RERE: variants seen among roughly 807,000 people sequenced by gnomAD.
The protein encoded by RERE is arginine-glutamic acid dipeptide repeats.
A neutral mutation model predicts 146.1 loss-of-function variants in RERE; 40 were observed. That is an observed-to-expected ratio of 0.27 (90% confidence interval 0.21 to 0.36). The LOEUF (loss-of-function observed/expected upper bound fraction) is 0.36. RERE is among the 10% of genes least tolerant of loss of function. The probability of loss-of-function intolerance (pLI) is 1.00; values close to 1 mark genes in which losing one functional copy is unlikely to be tolerated. For synonymous variants in RERE, 1,003 were observed against 866.0 expected, an observed-to-expected ratio of 1.16 and a Z score of -2.78; for missense variants, 1,933 against 2,138.7, an observed-to-expected ratio of 0.90 and a Z score of 1.90.
rs1279219755 is a variant in RERE, at chr1:8,502,433, C to A, written c.880-4904G>T. ...TACTGGGAAGTGAGGAGCCCCTCTG[C>A]CTGGCCAGCCGCCCCGTCCGGGAGG... On this transcript the variant is annotated intron_variant, in intron 8 of 22. Transcript: ENST00000400908. Among the ~76,000 whole-genome samples the A allele has an allele frequency of 3.0e-4, 37 of 121,356 alleles. No homozygotes were observed. In the East Asian group the frequency reaches 8.4e-3, roughly 28 times the overall value. The allele number at this position is 121,356 out of a possible 152,430, so 79.6% of individuals were successfully genotyped here.
chr1:8,365,669 T>G, intron 13 of RERE, 143 bp downstream of exon 13: 1 of 835,630 alleles, frequency 1.2e-6, no homozygotes. Flanking sequence ...TATGTTTAGG[T>G]CAGGCTTCAC....
intron 9 of RERE, among the ~76,000 whole-genome samples, chr1:8,495,676 A>G (rs906315218): frequency 6.6e-6 from 1 of 152,178 alleles, no homozygotes; most frequent in African/African-American, 2.4e-5. Context: ...AGTCAGATCC[A>G]TTTGTATTGT....
chr1:8,435,929 G>C (rs1362289827), intron 11 of RERE, among the ~76,000 whole-genome samples: 1 of 152,240 alleles, frequency 6.6e-6, no homozygotes, highest in Admixed American at 6.5e-5. Flanking sequence ...AGTCAAATGA[G>C]AACTGGCTAG....
chr1:8,421,701 AAAC>A (rs1220978008), intron 12 of RERE, among the ~76,000 whole-genome samples: 6 of 152,132 alleles, frequency 3.9e-5, no homozygotes, highest in Non-Finnish European at 8.8e-5. Flanking sequence ...GGAAATCAGT[AAAC>A]AACATCCAAT....
intron 12 of RERE, among the ~76,000 whole-genome samples, chr1:8,370,232 C>T (rs1382083913): frequency 6.6e-6 from 1 of 152,110 alleles, no homozygotes; most frequent in Non-Finnish European, 1.5e-5. Context: ...CATGCAGCAA[C>T]ACCATGCTGC....
intron 12 of RERE, among the ~76,000 whole-genome samples, chr1:8,419,555 G>T (rs549522810): frequency 6.6e-6 from 1 of 152,196 alleles, no homozygotes; most frequent in East Asian, 1.9e-4. Context: ...TTTTTATACA[G>T]GCTCAGTATA....
intron 11 of RERE, among the ~76,000 whole-genome samples, chr1:8,428,981 G>A (rs893078982): frequency 2.6e-5 from 4 of 152,112 alleles, no homozygotes; most frequent in African/African-American, 9.7e-5. Context: ...TGGACCTGGT[G>A]CAAGTAGCAT....
intron 6 of RERE, among the ~76,000 whole-genome samples, chr1:8,553,527 A>C (rs1645965952): frequency 6.6e-6 from 1 of 152,136 alleles, no homozygotes; most frequent in Non-Finnish European, 1.5e-5. Context: ...CCAAACAACC[A>C]CCTGTCATCT....
intron 6 of RERE, among the ~76,000 whole-genome samples, chr1:8,543,068 G>T (rs1224166978): frequency 1.3e-5 from 2 of 152,130 alleles, no homozygotes; most frequent in Non-Finnish European, 2.9e-5. Context: ...GAACAACACA[G>T]ATTTATAAGA....
At chr1:8,757,936 A>G (rs1446865804) in intron 1 of RERE, among the ~76,000 whole-genome samples, 12 of 152,110 alleles carry the variant, frequency 7.9e-5, no homozygotes, top group Non-Finnish European at 1.5e-5. Flanking sequence ...ACACATATAT[A>G]TGCAATAGGA....
intron 1 of RERE, among the ~76,000 whole-genome samples, chr1:8,811,989 A>G (rs1211206949): frequency 2.0e-5 from 3 of 152,164 alleles, no homozygotes; most frequent in African/African-American, 7.2e-5. Context: ...ACAGTATTCC[A>G]GTATGTATGA....
At chr1:8,386,012 ATATATATATATTTTTTTTTTTTT>A (rs1386933588) in intron 12 of RERE, among the ~76,000 whole-genome samples, 42 of 44,748 alleles carry the variant, frequency 9.4e-4, no homozygotes, top group African/African-American at 3.7e-3. Context: ...ATATATATAT[ATATATATATATTTTTTTTTTTTT>A]TTTTTTTTTT....
intron 1 of RERE, among the ~76,000 whole-genome samples, chr1:8,814,323 GA>G (rs1641869315): frequency 1.3e-5 from 2 of 152,158 alleles, no homozygotes; most frequent in Admixed American, 1.3e-4. Flanking sequence ...CAGGATTTGT[GA>G]AAATAAAAAT....
At chr1:8,650,608 C>G (rs1174391074) in intron 2 of RERE, among the ~76,000 whole-genome samples, 2 of 151,874 alleles carry the variant, frequency 1.3e-5, no homozygotes, top group African/African-American at 4.8e-5. Flanking sequence ...ACAAAAAATA[C>G]AAAAATTAGG....
intron 12 of RERE, among the ~76,000 whole-genome samples, chr1:8,371,569 C>G (rs573695134): frequency 9.7e-4 from 147 of 152,312 alleles, no homozygotes; most frequent in African/African-American, 3.3e-3. Context: ...TCAGCGGCAG[C>G]CGCTCCTGCC....
intron 13 of RERE, among the ~76,000 whole-genome samples, chr1:8,365,153 C>T (rs1641752999): frequency 6.6e-6 from 1 of 152,236 alleles, no homozygotes; most frequent in African/African-American, 2.4e-5. Context: ...CTGCCTCCCT[C>T]CCTAATACGC....
chr1:8,670,571 T>C (rs752942600), intron 1 of RERE, among the ~76,000 whole-genome samples: 17 of 152,136 alleles, frequency 1.1e-4, no homozygotes, highest in Non-Finnish European at 2.1e-4. Flanking sequence ...GGAGAGGTCA[T>C]CAATTTAAGG....
At chr1:8,593,079 G>A (rs540101207) in intron 4 of RERE, among the ~76,000 whole-genome samples, 4 of 152,224 alleles carry the variant, frequency 2.6e-5, no homozygotes, top group South Asian at 2.1e-4. Flanking sequence ...TGAATGGTGC[G>A]ACTGGTTTCA....
At chr1:8,757,571 G>A (rs1640666864) in intron 1 of RERE, among the ~76,000 whole-genome samples, 1 of 152,152 alleles carries the variant, frequency 6.6e-6, no homozygotes, top group African/African-American at 2.4e-5. Context: ...GTTGTTGCTG[G>A]TTTGTGTATT....
Sources: gnomAD v4.1 joint callset for allele counts (sites outside exome capture counted in the v4.1 genomes callset) on GRCh38, gnomAD v4.1.1 for gene constraint, MANE v1.5 for transcripts, NCBI Gene and HGNC (gene_info 2026-07-23, HGNC 2026-07-21) for gene names.